Variants in ZNF442 observed in about 807,000 individuals in gnomAD.
ZNF442 encodes zinc finger protein 442.
Under a neutral mutation model 57.0 loss-of-function variants are expected in ZNF442, and 45 were observed. The ratio of observed to expected loss-of-function variants is 0.79; its 90% confidence interval spans 0.62 to 1.01. The LOEUF is 1.01. ZNF442 is among the 50% of genes least tolerant of loss of function. ZNF442 has a pLI of 0.00. For missense variants in ZNF442, 690 were observed against 756.5 expected (o/e 0.91, Z 1.03); for synonymous variants, 213 against 241.8 (o/e 0.88, Z 1.10).
intron 3 of ZNF442, among the ~76,000 whole-genome samples, chr19:12,353,783 G>A (rs1268889112): frequency 6.6e-6 from 1 of 152,152 alleles, no homozygotes; most frequent in Non-Finnish European, 1.5e-5. Flanking sequence ...ATTGGGTCTT[G>A]AGGATTTGGA....
In ZNF442 at chr19:12,350,885, C is replaced by A. The variant is rs1391576905; in HGVS notation, c.700G>T (p.Glu234Ter). 6.2e-7 allele frequency: 1 copy of A among 1,614,138 alleles called. No individual in the cohort carries two copies. Reference sequence around the variant, plus strand: ...CACTGCTTACATTCATACGGTTTCTCTCCAGTGTGAGTTCTTTCATGCATA... The same window carrying A: ...CACTGCTTACATTCATACGGTTTCTATCCAGTGTGAGTTCTTTCATGCATA... ...FRMHERTHTG[E>*]KPYECKQCCK... The change falls in exon 6 of 6, where the codon GAG (glutamate) becomes TAG (stop). Residue 234 changes from glutamate (E) to a stop codon, truncating the protein, a stop_gained. Coordinates refer to ENST00000242804, the MANE Select transcript of ZNF442 (RefSeq NM_030824.3). LOFTEE classifies it high-confidence loss of function.
At chr19:12,359,851 G>T (rs756959013) in intron 3 of ZNF442, among the ~76,000 whole-genome samples, 3 of 151,916 alleles carry the variant, frequency 2.0e-5, no homozygotes, top group African/African-American at 2.4e-5. Flanking sequence ...AGTGGCATGC[G>T]CCTGTAGTCT....
At position 12,350,072 on chromosome 19, in the gene ZNF442, G is replaced by A; in HGVS notation, c.1513C>T (p.Gln505Ter). 1 of 1,612,770 alleles carries A rather than the reference G, an allele frequency of 6.2e-7. No homozygotes were observed. Among genetic ancestry groups the A allele is most frequent in the Non-Finnish European group, 8.5e-7 (1 of 1,179,662 alleles). ...TCAGCCATGTGAGTCCTTCTATGTT[G>A]AGAAAGGTATGTGAAACAACTGAAT... ...KAFSCFTYLS[Q>*]HRRTHMAEKP... is the part of the protein sequence containing the mutation. The change falls in exon 6 of 6, where the codon CAA (glutamine) becomes TAA (stop). Residue 505 changes from glutamine to a stop codon, truncating the protein, a stop_gained. Transcript: ENST00000242804. LOFTEE classifies it high-confidence loss of function.
At chr19:12,362,999 C>A (rs867147431) in intron 3 of ZNF442, among the ~76,000 whole-genome samples, 4,434 of 140,874 alleles carry the variant, frequency 0.031, 234 homozygotes, top group African/African-American at 0.12. Context: ...AAAAACAAAA[C>A]AAAAAAAAAA....
At chr19:12,353,341 T>C (rs1166040804) in intron 3 of ZNF442, among the ~76,000 whole-genome samples, 1 of 152,244 alleles carries the variant, frequency 6.6e-6, no homozygotes, top group African/African-American at 2.4e-5. Context: ...AGTCTCTTTT[T>C]GATGACTTAA....
At position 12,350,258 on chromosome 19, in the gene ZNF442, G is replaced by A. The variant is rs10500210; in HGVS notation, c.1327C>T (p.Arg443Cys). ...YECKECGKAF[R>C]ISSSLRRHET... ...TGTCTTCGAAGGGAACTAGAAATAC[G>A]GAAGGCTTTACCACATTCTTTACAT... The change falls in exon 6 of 6, where the codon CGT (arginine) becomes TGT (cysteine). Residue 443 changes from arginine to cysteine, a missense_variant. Physicochemically the swap from Arg to Cys is radical, Grantham distance 180. Coordinates refer to ENST00000242804, the MANE Select transcript of ZNF442 (RefSeq NM_030824.3). The A allele has an allele frequency of 9.8e-3, 15,865 of 1,611,986 alleles. 1,246 individuals are homozygous for A. In the African/African-American group the frequency reaches 0.18, roughly 18 times the overall value.
chr19:12,354,602 G>T (rs1969295022), intron 3 of ZNF442, among the ~76,000 whole-genome samples: 1 of 150,316 alleles, frequency 6.7e-6, no homozygotes, highest in Non-Finnish European at 1.5e-5. Context: ...ACAGAGCCTT[G>T]CTCTGTTGCC....
chr19:12,369,692 T>TC (rs1317179204), upstream of ZNF442, among the ~76,000 whole-genome samples: 1 of 151,774 alleles, frequency 6.6e-6, no homozygotes, highest in East Asian at 1.9e-4. Context: ...GGTCAGGAGA[T>TC]CGAGACCATC....
At position 12,351,223 on chromosome 19, in the gene ZNF442, C is replaced by T. The variant is rs1969231606; in HGVS notation, c.362G>A (p.Cys121Tyr). 6.2e-7 allele frequency: 1 copy of T among 1,614,170 alleles called. No homozygotes were observed. Reference protein sequence around the residue: ...PGVDPCKSSVCGEIMGCSFLN... With the variant: ...PGVDPCKSSVYGEIMGCSFLN... ...GAATGAACAACCCATGATTTCTCCACACACACTGCTTTTACATGGATCTAC... is the reference window on the plus strand; with the variant it reads ...GAATGAACAACCCATGATTTCTCCATACACACTGCTTTTACATGGATCTAC... Residue 121 changes from cysteine to tyrosine, a missense_variant, in exon 6 of 6, where the codon TGT becomes TAT. Physicochemically the swap from Cys to Tyr is radical, Grantham distance 194. Transcript: ENST00000242804.
chr19:12,349,576 G>T lies in ZNF442; in HGVS notation c.*125C>A. Reference sequence around the variant, plus strand: ...ACCAATCCCCTGCATATGGTTAGGGGATAACCATATTCAAAAGAAACATCT... The same window carrying T: ...ACCAATCCCCTGCATATGGTTAGGGTATAACCATATTCAAAAGAAACATCT... On this transcript the variant is annotated 3_prime_UTR_variant, in exon 6 of 6. Transcript: ENST00000242804. The T allele has an allele frequency of 2.1e-6, 2 of 973,724 alleles. No homozygotes were observed. The highest frequency in any genetic ancestry group is 2.9e-5 in the Admixed American group (1 of 34,706). The allele number at this position is 973,724 out of a possible 1,614,324, so 60.3% of individuals were successfully genotyped here.
Position 12,350,581 on chromosome 19 carries a change from C to G in ZNF442, c.1004G>C (p.Ser335Thr). 1 of 1,613,744 alleles carries G rather than the reference C, an allele frequency of 6.2e-7. No homozygotes were observed. The highest frequency in any genetic ancestry group is 8.5e-7 in the Non-Finnish European group (1 of 1,179,970). The change falls in exon 6 of 6, where the codon AGC (serine) becomes ACC (threonine). Residue 335 changes from serine to threonine, a missense_variant. By Grantham distance (58) the Ser-to-Thr change is moderately conservative (BLOSUM62 1). Coordinates refer to ENST00000242804, the MANE Select transcript of ZNF442 (RefSeq NM_030824.3). ...GTGCCTTATCATGTGTCTTTGAAAG[C>G]TTCCCAGATGATGAAATGCTTTCCC... is the stretch of plus-strand genomic sequence containing the variant. Reference protein sequence around the residue: ...QCGKAFHHLGSFQRHMIRHTG... With the variant: ...QCGKAFHHLGTFQRHMIRHTG...
intron 2 of ZNF442, among the ~76,000 whole-genome samples, chr19:12,363,964 G>C (rs7255907): frequency 0.038 from 5,827 of 152,236 alleles, 373 homozygotes; most frequent in African/African-American, 0.13. Flanking sequence ...AGTTTCTAAA[G>C]GGGACTTTCA....
At chr19:12,353,229 G>T in intron 3 of ZNF442, 115 bp from the exon 4 acceptor site, 1 of 1,115,706 alleles carries the variant, frequency 9.0e-7, no homozygotes, top group Non-Finnish European at 1.2e-6. Context: ...CAATGACATG[G>T]TAAATCCACC....
chr19:12,362,002 G>A (rs949816876), intron 3 of ZNF442, among the ~76,000 whole-genome samples: 4 of 152,204 alleles, frequency 2.6e-5, no homozygotes, highest in Non-Finnish European at 5.9e-5. Context: ...GATTGCAGAC[G>A]GAGTCTCGTT....
At chr19:12,362,048 A>G (rs370809587) in intron 3 of ZNF442, among the ~76,000 whole-genome samples, 2 of 152,084 alleles carry the variant, frequency 1.3e-5, no homozygotes, top group Middle Eastern at 3.2e-3. Context: ...CTGGAGTGCA[A>G]TGGCGTGATC....
intron 3 of ZNF442, among the ~76,000 whole-genome samples, 165 bp from the exon 4 acceptor site, chr19:12,353,279 T>C (rs1969274504): frequency 6.6e-6 from 1 of 152,240 alleles, no homozygotes; most frequent in African/African-American, 2.4e-5. Context: ...AACACAGCAA[T>C]TCTGATGCTA....
At chr19:12,372,760 G>A in the ZNF442 span, among the ~76,000 whole-genome samples, 1 of 152,136 alleles carries the variant, frequency 6.6e-6, no homozygotes, top group African/African-American at 2.4e-5. Flanking sequence ...CATTTTGCAC[G>A]AGTGAATTTG....
intron 3 of ZNF442, among the ~76,000 whole-genome samples, chr19:12,360,364 A>G (rs1378213695): frequency 6.6e-6 from 1 of 152,190 alleles, no homozygotes; most frequent in Non-Finnish European, 1.5e-5. Context: ...TTCTTTAAGT[A>G]TAAAAGGCTT....
chr19:12,360,755 C>A (rs773357704), intron 3 of ZNF442, among the ~76,000 whole-genome samples: 4 of 151,998 alleles, frequency 2.6e-5, no homozygotes, highest in Non-Finnish European at 4.4e-5. Context: ...TGGTGGGCGC[C>A]TGTAATCTCA....
Sources: gnomAD v4.1 joint callset for allele counts (sites outside exome capture counted in the v4.1 genomes callset) on GRCh38, gnomAD v4.1.1 for gene constraint, MANE v1.5 for transcripts, NCBI Gene and HGNC (gene_info 2026-07-23, HGNC 2026-07-21) for gene names.